Variants in SH3RF1 observed in about 807,000 individuals in gnomAD.
SH3RF1 encodes SH3 domain containing ring finger 1.
In SH3RF1, 32 loss-of-function variants were observed where a neutral mutation model predicts 74.0. That is an observed-to-expected ratio of 0.43 (90% CI 0.33 to 0.58). SH3RF1 has a LOEUF of 0.58. Ranked by LOEUF, SH3RF1 falls within the 20% of genes least tolerant of loss-of-function variation. The pLI is 0.05. For synonymous variants in SH3RF1, 396 were observed against 439.6 expected, an observed-to-expected ratio of 0.90 and a Z score of 1.24; for missense variants, 954 against 1,130.9, an observed-to-expected ratio of 0.84 and a Z score of 2.24.
At chr4:169,188,301 T>C (rs948331221) in intron 2 of SH3RF1, among the ~76,000 whole-genome samples, 1 of 152,176 alleles carries the variant, frequency 6.6e-6, no homozygotes, top group African/African-American at 2.4e-5. Flanking sequence ...TAAAGTGAAA[T>C]ACTAATGCAG....
chr4:169,191,532 T>C (rs1734709763), intron 2 of SH3RF1, among the ~76,000 whole-genome samples: 1 of 152,084 alleles, frequency 6.6e-6, no homozygotes, highest in South Asian at 2.1e-4. Flanking sequence ...TTTGAGGAAT[T>C]AGAAAAAACA....
chr4:169,166,764 C>T, intron 2 of SH3RF1: 1 of 210,370 alleles, frequency 4.8e-6, no homozygotes, highest in Non-Finnish European at 9.3e-6. Context: ...TTTCCCGAAG[C>T]AGCTGGCTAC....
At chr4:169,216,688 C>A (rs1430291195) in intron 2 of SH3RF1, among the ~76,000 whole-genome samples, 1 of 152,130 alleles carries the variant, frequency 6.6e-6, no homozygotes, top group East Asian at 1.9e-4. Context: ...TCAAAAATCA[C>A]TAATTCAAAA....
At chr4:169,260,716 C>G (rs1175492727) in intron 2 of SH3RF1, among the ~76,000 whole-genome samples, 2 of 152,112 alleles carry the variant, frequency 1.3e-5, no homozygotes, top group African/African-American at 4.8e-5. Flanking sequence ...TAAATAAGGA[C>G]TGGAGCAATA....
chr4:169,254,281 G>A (rs887652318), intron 2 of SH3RF1, among the ~76,000 whole-genome samples: 1 of 152,102 alleles, frequency 6.6e-6, no homozygotes, highest in Non-Finnish European at 1.5e-5. Flanking sequence ...GCAGAAAAGA[G>A]GTATAAAATT....
intron 2 of SH3RF1, among the ~76,000 whole-genome samples, chr4:169,174,156 G>A (rs1025541794): frequency 3.9e-5 from 6 of 152,070 alleles, no homozygotes; most frequent in South Asian, 2.1e-4. Flanking sequence ...CCCGACCTCC[G>A]GGCTGAAGTG....
At chr4:169,105,599 G>A (rs1190196724) in intron 11 of SH3RF1, among the ~76,000 whole-genome samples, 1 of 152,226 alleles carries the variant, frequency 6.6e-6, no homozygotes, top group Non-Finnish European at 1.5e-5. Flanking sequence ...TCAGGAAGAA[G>A]AAGAGAGTTC....
intron 10 of SH3RF1, among the ~76,000 whole-genome samples, chr4:169,114,603 T>G (rs1285826408): frequency 6.6e-6 from 1 of 152,204 alleles, no homozygotes; most frequent in Non-Finnish European, 1.5e-5. Context: ...GTCCCTGTTC[T>G]TATCAGTGGC....
chr4:169,263,668 G>T (rs1239563548), intron 2 of SH3RF1, among the ~76,000 whole-genome samples: 1 of 152,164 alleles, frequency 6.6e-6, no homozygotes, highest in Non-Finnish European at 1.5e-5. Flanking sequence ...CACCAAGTAA[G>T]GATCTGTATC....
chr4:169,188,065 A>C (rs964345443), intron 2 of SH3RF1, among the ~76,000 whole-genome samples: 1 of 152,042 alleles, frequency 6.6e-6, no homozygotes, highest in Non-Finnish European at 1.5e-5. Flanking sequence ...GAAAACTAGG[A>C]AGAAAGAAGA....
At chr4:169,169,299 TA>T (rs887157655) in intron 2 of SH3RF1, among the ~76,000 whole-genome samples, 2 of 151,982 alleles carry the variant, frequency 1.3e-5, no homozygotes, top group Non-Finnish European at 2.9e-5. Context: ...GTCTTTTCAT[TA>T]AAAAAATAAC....
intron 2 of SH3RF1, among the ~76,000 whole-genome samples, chr4:169,232,279 G>T (rs17054840): frequency 9.2e-5 from 14 of 152,270 alleles, no homozygotes; most frequent in Admixed American, 7.2e-4. Flanking sequence ...GGGAAAGACC[G>T]CCATAGCAAT....
chr4:169,232,004 C>T (rs1730750635), intron 2 of SH3RF1, among the ~76,000 whole-genome samples: 1 of 152,204 alleles, frequency 6.6e-6, no homozygotes, highest in African/African-American at 2.4e-5. Flanking sequence ...ACCTTACGGC[C>T]TCCACTGAAG....
chr4:169,256,097 T>C (rs999788287), intron 2 of SH3RF1, among the ~76,000 whole-genome samples: 1 of 152,188 alleles, frequency 6.6e-6, no homozygotes, highest in Non-Finnish European at 1.5e-5. Flanking sequence ...AGGACTGCAC[T>C]ACAAAGCACA....
In SH3RF1 at chr4:169,146,028, C is replaced by T. The variant is rs188322050; in HGVS notation, c.766-9408G>A. On this transcript the variant is annotated intron_variant, in intron 4 of 11. Transcript: ENST00000284637. Reference sequence around the variant, plus strand: ...TCTATATATTCTATATAAAATATTACATATTCTATATATTCTATATAAAAT... The same window carrying T: ...TCTATATATTCTATATAAAATATTATATATTCTATATATTCTATATAAAAT... Among the ~76,000 whole-genome samples the T allele has an allele frequency of 3.3e-4, 28 of 85,954 alleles. 1 individual carries two copies. Among genetic ancestry groups the T allele is most frequent in the East Asian group, 1.7e-3 (6 of 3,442 alleles). The allele number at this position is 85,954 out of a possible 152,430, so 56.4% of individuals were successfully genotyped here. A position where few individuals can be genotyped will look rare whatever the true frequency, so the allele number is the denominator to read the frequency against.
At chr4:169,172,477 T>C (rs1466986066) in intron 2 of SH3RF1, among the ~76,000 whole-genome samples, 2 of 152,388 alleles carry the variant, frequency 1.3e-5, no homozygotes, top group African/African-American at 2.4e-5. Context: ...CTTTATATAA[T>C]AGCATTTAGG....
chr4:169,250,969 G>C (rs1561064854), intron 2 of SH3RF1, among the ~76,000 whole-genome samples: 2 of 152,178 alleles, frequency 1.3e-5, no homozygotes, highest in African/African-American at 2.4e-5. Context: ...CCTAGGCTTT[G>C]GTGGTTTGAT....
At chr4:169,260,132 G>C (rs948765309) in intron 2 of SH3RF1, among the ~76,000 whole-genome samples, 5 of 152,162 alleles carry the variant, frequency 3.3e-5, no homozygotes, top group Admixed American at 6.5e-5. Context: ...CTGGGGGCTC[G>C]TGGAATGCTG....
intron 2 of SH3RF1, among the ~76,000 whole-genome samples, chr4:169,259,093 GAC>G (rs1452013601): frequency 6.6e-6 from 1 of 151,956 alleles, no homozygotes; most frequent in East Asian, 1.9e-4. Flanking sequence ...GATTGCCTAG[GAC>G]CACTCATTAC....
Sources: gnomAD v4.1 joint callset for allele counts (sites outside exome capture counted in the v4.1 genomes callset) on GRCh38, gnomAD v4.1.1 for gene constraint, MANE v1.5 for transcripts, NCBI Gene and HGNC (gene_info 2026-07-23, HGNC 2026-07-21) for gene names.